Variants in MYO7A observed in about 807,000 individuals in gnomAD.
The protein encoded by MYO7A is unconventional myosin-VIIa.
In MYO7A, 210 loss-of-function variants were observed where a neutral mutation model predicts 263.8. That is an observed-to-expected ratio of 0.80 (90% CI 0.71 to 0.89). MYO7A has a LOEUF of 0.89. MYO7A is among the 40% of genes least tolerant of loss of function. MYO7A has a pLI of 0.00. For synonymous variants in MYO7A, 1,239 were observed against 1,197.3 expected, an observed-to-expected ratio of 1.03 and a Z score of -0.72; for missense variants, 2,820 against 2,968.3, an observed-to-expected ratio of 0.95 and a Z score of 1.16.
At chr11:77,212,855 C>A in intron 46 of MYO7A, 97 bp from the exon 47 acceptor site, 1 of 1,018,704 alleles carries the variant, frequency 9.8e-7, no homozygotes, top group Non-Finnish European at 1.5e-6. Flanking sequence ...ACAGGAGAGG[C>A]TGACTTTATC....
intron 31 of MYO7A, among the ~76,000 whole-genome samples, chr11:77,192,750 G>A (rs2135581293): frequency 6.6e-6 from 1 of 151,362 alleles, no homozygotes; most frequent in Middle Eastern, 3.4e-3. Flanking sequence ...GATTGTGATG[G>A]AGGGATGAGA....
At position 77,192,031 on chromosome 11, in the gene MYO7A, C is replaced by T; in HGVS notation, c.3925-20C>T. On this transcript the variant is annotated intron_variant, in intron 30 of 48. Coordinates refer to ENST00000409709, the MANE Select transcript of MYO7A (RefSeq NM_000260.4). ...CCTTCCCTGACTCTGTGCCTGCTCC[C>T]CTCCCCTCTGTGCCCACAGGTGTCC... 6.2e-7 allele frequency: 1 copy of T among 1,603,274 alleles called. No individual in the cohort carries two copies. The highest frequency in any genetic ancestry group is 8.5e-7 in the Non-Finnish European group (1 of 1,173,378).
At chr11:77,185,531 TC>T (rs1223737431) in intron 27 of MYO7A, among the ~76,000 whole-genome samples, 2 of 152,182 alleles carry the variant, frequency 1.3e-5, no homozygotes. Context: ...GCAACTCAGT[TC>T]CATCCTCAGG....
In MYO7A at chr11:77,208,574, G is replaced by A. The variant is rs948961; in HGVS notation, c.5944+57G>A. 0.58 allele frequency: 901,209 copies of A among 1,561,894 alleles called. 263,522 individuals are homozygous for A. The highest frequency in any genetic ancestry group is 0.72 in the African/African-American group (53,376 of 73,798). On this transcript the variant is annotated intron_variant, in intron 43 of 48. Coordinates refer to ENST00000409709, the MANE Select transcript of MYO7A (RefSeq NM_000260.4). ...GCCCAGAGCAGGGAAGTGTGGGCTC[G>A]GGGCTGTGCCGTGAGGCCCACCTAG...
At chr11:77,164,137 T>C (rs1056288106) in intron 14 of MYO7A, among the ~76,000 whole-genome samples, 5 of 152,178 alleles carry the variant, frequency 3.3e-5, no homozygotes, top group East Asian at 1.9e-4. Flanking sequence ...GGACAGGCAA[T>C]TGGGTTCACG....
chr11:77,179,215 G>A, intron 20 of MYO7A, 86 bp downstream of exon 20: 1 of 1,245,102 alleles, frequency 8.0e-7, no homozygotes, highest in Non-Finnish European at 1.1e-6. Flanking sequence ...CCTGCACCCA[G>A]GCAGCACAGC....
At chr11:77,175,509 A>G (rs373984319) in intron 18 of MYO7A, 45 bp downstream of exon 18, 20 of 1,560,954 alleles carry the variant, frequency 1.3e-5, no homozygotes, top group Admixed American at 1.0e-4. Context: ...GGGGCTGTAA[A>G]TTCCCATGAT....
chr11:77,146,886 C>A (rs1214333498), intron 3 of MYO7A, among the ~76,000 whole-genome samples: 3 of 152,018 alleles, frequency 2.0e-5, no homozygotes, highest in African/African-American at 7.3e-5. Context: ...GCCCCAGGGC[C>A]CTGAGGAAAC....
chr11:77,169,739 C>A (rs1453095382), intron 15 of MYO7A, among the ~76,000 whole-genome samples: 1 of 152,152 alleles, frequency 6.6e-6, no homozygotes, highest in Non-Finnish European at 1.5e-5. Flanking sequence ...CAGAAAAAGT[C>A]TCTGTCCTTA....
chr11:77,203,999 C>A (rs1459016436), intron 38 of MYO7A, 77 bp from the exon 39 acceptor site: 2 of 1,455,012 alleles, frequency 1.4e-6, no homozygotes, highest in African/African-American at 2.8e-5. Flanking sequence ...GATGCAGGCC[C>A]TGTGGGAAGT....
chr11:77,208,040 C>T (rs1957575822), intron 42 of MYO7A, among the ~76,000 whole-genome samples: 1 of 152,224 alleles, frequency 6.6e-6, no homozygotes, highest in African/African-American at 2.4e-5. Flanking sequence ...TCATGCCTGT[C>T]TCTGTGCCAG....
At position 77,193,102 on chromosome 11, in the gene MYO7A, T is replaced by C. The variant is rs1008309312; in HGVS notation, c.4152+824T>C. 5.0e-4 allele frequency among the ~76,000 whole-genome samples: 52 copies of C among 103,518 alleles called. 2 individuals are homozygous for C. The highest frequency in any genetic ancestry group is 1.8e-3 in the African/African-American group (45 of 24,370). The allele number at this position is 103,518 out of a possible 152,430, so 67.9% of individuals were successfully genotyped here. A position where few individuals can be genotyped will look rare whatever the true frequency, so the allele number is the denominator to read the frequency against. ...TAGTTGTTTGTGATGGTGGAGGTAG[T>C]GATGCTGTTGGTGATGGTGGAGGTA... is the stretch of plus-strand genomic sequence containing the variant. On this transcript the variant is annotated intron_variant, in intron 31 of 48. Transcript: ENST00000409709.
In MYO7A at chr11:77,199,586, G is replaced by A. The variant is rs41298745; in HGVS notation, c.4620G>A (p.Ala1540=). The A allele has an allele frequency of 1.2e-3, 1,902 of 1,575,108 alleles. 9 individuals carry two copies. The highest frequency in any genetic ancestry group is 7.5e-3 in the South Asian group (645 of 85,792). ...GCTGCTCTGATCTTGGCTGTGCTGC[G>A]CCTCACTCAGGCTGGGCAGGACTGA... The part of the protein sequence containing the change: ...SLGCSDLGCA[A]PHSGWAGLTP... Residue 1540 remains alanine, a synonymous_variant, in exon 35 of 49, where the codon GCG becomes GCA. Coordinates refer to ENST00000409709, the MANE Select transcript of MYO7A (RefSeq NM_000260.4).
At chr11:77,209,874 G>A (rs934839024) in intron 44 of MYO7A, among the ~76,000 whole-genome samples, 2 of 151,938 alleles carry the variant, frequency 1.3e-5, no homozygotes, top group Admixed American at 6.5e-5. Context: ...CGTCCTGGCC[G>A]TGGCCCTGCC....
Position 77,184,232 on chromosome 11 carries a change from G to A in MYO7A, c.3376-356G>A, listed in dbSNP as rs577511911. Among the ~76,000 whole-genome samples the A allele has an allele frequency of 2.6e-5, 4 of 152,246 alleles. No homozygotes were observed. The East Asian group carries it at 7.8e-4, about 30-fold the overall frequency. ...CAGGTGCCACAGTTATGTTGGCGGG[G>A]GCACCCCAGAGAGATAGGGGTCCCG... On this transcript the variant is annotated intron_variant, in intron 26 of 48. Transcript: ENST00000409709.
At position 77,138,153 on chromosome 11, in the gene MYO7A, G is replaced by T. The variant is rs1274986605; in HGVS notation, c.19-4556G>T. ...AGACGGAGGGGGCCGGGGTGGCGCG[G>T]GCGCCCCCTCGCCGTCCCGCCCGCG... On this transcript the variant is annotated intron_variant, in intron 2 of 48. Transcript: ENST00000409709. The surrounding 1 kb of genome is among the most constrained non-coding windows in gnomAD (Gnocchi z 4.9). Among the ~76,000 whole-genome samples the T allele has an allele frequency of 6.6e-6, 1 of 152,068 alleles. No individual in the cohort carries two copies. The highest frequency in any genetic ancestry group is 1.5e-5 in the Non-Finnish European group (1 of 67,970).
At chr11:77,191,976 AC>A (rs1228775797) in intron 30 of MYO7A, 74 bp from the exon 31 acceptor site, 8 of 1,335,368 alleles carry the variant, frequency 6.0e-6, no homozygotes, top group Non-Finnish European at 7.3e-6. Flanking sequence ...GTCTGAACTG[AC>A]CGTTGGCCCC....
In MYO7A at chr11:77,182,103, G is replaced by A; in HGVS notation, c.3057G>A (p.Arg1019=). 6.2e-7 allele frequency: 1 copy of A among 1,613,388 alleles called. No homozygotes were observed. Among genetic ancestry groups the A allele is most frequent in the Non-Finnish European group, 8.5e-7 (1 of 1,179,854 alleles). ...GGACAACCACGCACTCCTACACCCG[G>A]CGGCCACTCAAACAGCCACTGCTCT... ...FQGTTTHSYT[R]RPLKQPLLYH... Residue 1019 remains arginine (R), a synonymous_variant, in exon 24 of 49, where the codon CGG becomes CGA. Transcript: ENST00000409709.
intron 32 of MYO7A, among the ~76,000 whole-genome samples, chr11:77,195,308 C>T (rs114997399): frequency 0.017 from 2,644 of 152,048 alleles, 70 homozygotes; most frequent in African/African-American, 0.06. Context: ...GAGGCCCGAA[C>T]CCCCCCGAAC....
Sources: allele counts gnomAD v4.1 joint callset (sites outside exome capture counted in the v4.1 genomes callset), GRCh38; gene constraint gnomAD v4.1.1; non-coding constraint Gnocchi (gnomAD v3.1); transcripts MANE v1.5; gene names NCBI Gene and HGNC (gene_info 2026-07-23, HGNC 2026-07-21).